The following KCNIP4 variants were observed in gnomAD, a reference collection of about 807,000 sequenced individuals.
KCNIP4 encodes Kv channel-interacting protein 4.
A neutral mutation model predicts 34.0 loss-of-function variants in KCNIP4; 12 were observed. That is an observed-to-expected ratio of 0.35 (90% CI 0.23 to 0.57). The LOEUF is 0.57. Ranked by LOEUF, KCNIP4 falls within the 20% of genes least tolerant of loss-of-function variation. The pLI is 0.83. For missense variants in KCNIP4, 238 were observed against 311.7 expected (o/e 0.76, Z 1.78); for synonymous variants, 124 against 102.2 (o/e 1.21, Z -1.29).
At chr4:21,441,884 C>T (rs1727512774) in intron 1 of KCNIP4, among the ~76,000 whole-genome samples, 1 of 152,106 alleles carries the variant, frequency 6.6e-6, no homozygotes, top group East Asian at 1.9e-4. Context: ...AGGTTTGAGG[C>T]TTTGGAGAAA....
chr4:21,229,411 C>T (rs1203868608), intron 1 of KCNIP4, among the ~76,000 whole-genome samples: 1 of 152,164 alleles, frequency 6.6e-6, no homozygotes, highest in Non-Finnish European at 1.5e-5. Flanking sequence ...CATGTAGGCT[C>T]TCTGAGGTCA....
At chr4:20,970,887 T>C (rs548364930) in intron 1 of KCNIP4, among the ~76,000 whole-genome samples, 11 of 152,314 alleles carry the variant, frequency 7.2e-5, no homozygotes, top group Non-Finnish European at 1.5e-4. Context: ...ATAAGTGCTC[T>C]ACATATGCGG....
intron 1 of KCNIP4, among the ~76,000 whole-genome samples, chr4:21,067,095 T>G (rs1322071392): frequency 2.0e-5 from 3 of 152,158 alleles, no homozygotes; most frequent in Non-Finnish European, 4.4e-5. Flanking sequence ...GACAGAGTCC[T>G]GAGGCCCCAT....
rs564021335 is a variant in KCNIP4, at chr4:20,835,684, T to C, written c.288+14859A>G. ...CACCCCTCTTAGCTCTATAAAATTA[T>C]GTATCCAACCACTAGAATTTATCAA... On this transcript the variant is annotated intron_variant, in intron 3 of 8. Coordinates refer to ENST00000382152, the MANE Select transcript of KCNIP4 (RefSeq NM_025221.6). Among the ~76,000 whole-genome samples, 16 of 152,248 alleles carry C rather than the reference T, an allele frequency of 1.1e-4. No homozygotes were observed. The South Asian group carries it at 2.5e-3, about 24-fold the overall frequency.
intron 5 of KCNIP4, among the ~76,000 whole-genome samples, chr4:20,743,716 A>T: frequency 6.6e-6 from 1 of 152,184 alleles, no homozygotes; most frequent in East Asian, 1.9e-4. Context: ...ATGGGCAAGG[A>T]CTTCATGTCT....
chr4:21,538,334 C>A (rs1279116475), intron 1 of KCNIP4, among the ~76,000 whole-genome samples: 1 of 152,170 alleles, frequency 6.6e-6, no homozygotes, highest in Non-Finnish European at 1.5e-5. Flanking sequence ...GAAACTAACA[C>A]ACCATCCATA....
chr4:21,832,509 T>C (rs1056376718), intron 1 of KCNIP4, among the ~76,000 whole-genome samples: 1 of 152,128 alleles, frequency 6.6e-6, no homozygotes, highest in Non-Finnish European at 1.5e-5. Flanking sequence ...TCTGAGGAAA[T>C]CATCAGTTTG....
chr4:21,458,546 CAA>C (rs1481865123), intron 1 of KCNIP4, among the ~76,000 whole-genome samples: 17 of 151,976 alleles, frequency 1.1e-4, no homozygotes, highest in Admixed American at 7.2e-4. Flanking sequence ...GAGCACTTCA[CAA>C]AGAGTTTTGG....
chr4:21,817,130 C>A (rs1338509409), intron 1 of KCNIP4, among the ~76,000 whole-genome samples: 1 of 152,116 alleles, frequency 6.6e-6, no homozygotes, highest in Admixed American at 6.6e-5. Context: ...AAGATCCCTG[C>A]CCATCCTTCA....
chr4:21,551,524 T>G (rs976866259), intron 1 of KCNIP4, among the ~76,000 whole-genome samples: 2 of 152,132 alleles, frequency 1.3e-5, no homozygotes, highest in African/African-American at 2.4e-5. Context: ...TGCTGTGAAC[T>G]GTTACCAAAA....
chr4:20,734,835 G>C, intron 5 of KCNIP4, 100 bp from the exon 6 acceptor site: 1 of 571,736 alleles, frequency 1.7e-6, no homozygotes, highest in East Asian at 3.3e-5. Context: ...TCTGGATCTT[G>C]AACATTTAGC....
chr4:21,049,720 C>T (rs1560677204), intron 1 of KCNIP4, among the ~76,000 whole-genome samples: 1 of 152,192 alleles, frequency 6.6e-6, no homozygotes, highest in African/African-American at 2.4e-5. Context: ...CAAGGATGTT[C>T]ACTATGTGAC....
At chr4:21,795,264 A>T (rs1250709438) in intron 1 of KCNIP4, among the ~76,000 whole-genome samples, 1 of 152,184 alleles carries the variant, frequency 6.6e-6, no homozygotes, top group Non-Finnish European at 1.5e-5. Flanking sequence ...GGATGTGGTG[A>T]GGAGCGTAGT....
intron 1 of KCNIP4, among the ~76,000 whole-genome samples, chr4:21,256,413 C>T (rs1275287667): frequency 7.6e-6 from 1 of 131,394 alleles, no homozygotes; most frequent in Non-Finnish European, 1.6e-5. Flanking sequence ...GATCCCATCC[C>T]TGCTTAAAAA....
intron 1 of KCNIP4, among the ~76,000 whole-genome samples, chr4:21,208,821 G>T (rs184212153): frequency 3.9e-5 from 6 of 152,134 alleles, no homozygotes; most frequent in Non-Finnish European, 7.4e-5. Flanking sequence ...CTCAGGAGGC[G>T]TCAGGAAACT....
intron 1 of KCNIP4, among the ~76,000 whole-genome samples, chr4:21,285,142 C>T (rs370802083): frequency 6.6e-6 from 1 of 152,110 alleles, no homozygotes; most frequent in African/African-American, 2.4e-5. Flanking sequence ...ATAAGAAAGT[C>T]AAGCCTATTT....
intron 1 of KCNIP4, among the ~76,000 whole-genome samples, chr4:21,770,329 G>A (rs984664924): frequency 6.6e-6 from 1 of 152,046 alleles, no homozygotes; most frequent in East Asian, 1.9e-4. Flanking sequence ...AGTATTCCAT[G>A]GTGTATATGT....
chr4:21,375,598 G>C (rs146017807), intron 1 of KCNIP4, among the ~76,000 whole-genome samples: 1 of 147,558 alleles, frequency 6.8e-6, no homozygotes, highest in Non-Finnish European at 1.5e-5. Context: ...ACAGAGTCTC[G>C]CTCTGTCACC....
intron 1 of KCNIP4, among the ~76,000 whole-genome samples, chr4:20,989,220 A>G (rs371296047): frequency 6.6e-6 from 1 of 152,248 alleles, no homozygotes; most frequent in Non-Finnish European, 1.5e-5. Context: ...TTTAATTTAC[A>G]GGGTCCAACT....
Sources: allele counts gnomAD v4.1 joint callset (sites outside exome capture counted in the v4.1 genomes callset), GRCh38; gene constraint gnomAD v4.1.1; transcripts MANE v1.5; gene names NCBI Gene and HGNC (gene_info 2026-07-23, HGNC 2026-07-21).